MCPH1: variants seen among roughly 807,000 people sequenced by gnomAD.
The protein encoded by MCPH1 is microcephalin 1.
A neutral mutation model predicts 84.5 loss-of-function variants in MCPH1; 104 were observed. The ratio of observed to expected loss-of-function variants is 1.23; its 90% CI spans 1.05 to 1.45. MCPH1 has a LOEUF of 1.45. Among genes scored for constraint, MCPH1 ranks in the 40% most tolerant of loss-of-function variants. The pLI, the probability that MCPH1 is intolerant of heterozygous loss-of-function variation, is 0.00. For missense variants in MCPH1, 1,498 were observed against 1,005.7 expected, an observed-to-expected ratio of 1.49 and a Z score of -6.62; for synonymous variants, 514 against 366.8, an observed-to-expected ratio of 1.40 and a Z score of -4.58.
At chr8:6,574,048 A>T (rs181418368) in intron 12 of MCPH1, among the ~76,000 whole-genome samples, 177 of 152,368 alleles carry the variant, frequency 1.2e-3, no homozygotes, top group African/African-American at 4.2e-3. Flanking sequence ...CACAGACAAA[A>T]ATAAACACAC....
At chr8:6,508,683 T>C in intron 12 of MCPH1, 1 of 601,440 alleles carries the variant, frequency 1.7e-6, no homozygotes, top group African/African-American at 1.9e-5. Flanking sequence ...ATATCCCCTC[T>C]CCTTGCCAGG....
intron 12 of MCPH1, among the ~76,000 whole-genome samples, chr8:6,552,512 AC>A (rs1439036393): frequency 6.6e-6 from 1 of 152,208 alleles, no homozygotes; most frequent in Non-Finnish European, 1.5e-5. Flanking sequence ...AGAACATTTA[AC>A]CCGATTAGGG....
chr8:6,621,883 G>A lies in MCPH1; in HGVS notation c.2452+192G>A, dbSNP rs118056430. ...TTCCCGCTCCTTGCTGTTAGCAGAC[G>A]TACAGTTCACGAGGAAATGGGAACT... On this transcript the variant is annotated intron_variant, in intron 13 of 13. Transcript: ENST00000344683. Among the ~76,000 whole-genome samples the A allele has an allele frequency of 6.6e-5, 10 of 152,240 alleles. No individual in the cohort carries two copies. In the East Asian group the frequency reaches 1.9e-3, roughly 29 times the overall value.
chr8:6,464,946 C>A (rs1302707747), intron 9 of MCPH1, among the ~76,000 whole-genome samples: 2 of 151,846 alleles, frequency 1.3e-5, no homozygotes, highest in Admixed American at 6.6e-5. Flanking sequence ...TTGCAGTGAG[C>A]CAAGATCATG....
At chr8:6,545,875 T>C (rs1018039736) in intron 12 of MCPH1, among the ~76,000 whole-genome samples, 4 of 152,252 alleles carry the variant, frequency 2.6e-5, no homozygotes, top group African/African-American at 9.6e-5. Flanking sequence ...TGCTTTGAGC[T>C]ACTGCAATGC....
chr8:6,596,387 A>C (rs564550467), intron 12 of MCPH1, among the ~76,000 whole-genome samples: 94 of 152,256 alleles, frequency 6.2e-4, no homozygotes, highest in Middle Eastern at 3.4e-3. Context: ...CAGGTTATAC[A>C]CAGTAAAGAG....
At chr8:6,591,066 T>G (rs1179370482) in intron 12 of MCPH1, among the ~76,000 whole-genome samples, 1 of 152,178 alleles carries the variant, frequency 6.6e-6, no homozygotes, top group African/African-American at 2.4e-5. Flanking sequence ...ACCCGGTTAA[T>G]TGTGTATTTT....
Position 6,477,578 on chromosome 8 carries a change from T to C in MCPH1, c.1936-16T>C. On this transcript the variant is annotated splice_polypyrimidine_tract_variant and intron_variant, in intron 9 of 13. Coordinates refer to ENST00000344683, the MANE Select transcript of MCPH1 (RefSeq NM_024596.5). ...TTTTTGACTGTTTTTTGTTCCTTCT[T>C]GTTTGAAATCTCTAGCCAACAAGAA... 1 of 1,611,002 alleles carries C rather than the reference T, an allele frequency of 6.2e-7. No homozygotes were observed. The highest frequency in any genetic ancestry group is 8.5e-7 in the Non-Finnish European group (1 of 1,177,838).
chr8:6,543,125 C>T (rs769854645), intron 12 of MCPH1, among the ~76,000 whole-genome samples: 159 of 152,202 alleles, frequency 1.0e-3, no homozygotes, highest in Admixed American at 1.6e-3. Flanking sequence ...CCAAGACTTT[C>T]TGCTTCTTTA....
chr8:6,502,462 T>C (rs1420104962), intron 12 of MCPH1: 1 of 152,234 alleles, frequency 6.6e-6, no homozygotes, highest in Non-Finnish European at 1.5e-5. Flanking sequence ...ATTTGAGCAT[T>C]AACTTATAAC....
At chr8:6,567,636 G>A (rs1826307241) in intron 12 of MCPH1, among the ~76,000 whole-genome samples, 1 of 152,198 alleles carries the variant, frequency 6.6e-6, no homozygotes, top group African/African-American at 2.4e-5. Context: ...CCACTGACCA[G>A]GAAGCCTCGG....
chr8:6,515,086 C>T (rs948436558), intron 12 of MCPH1, among the ~76,000 whole-genome samples: 3 of 152,074 alleles, frequency 2.0e-5, no homozygotes, highest in African/African-American at 7.2e-5. Context: ...CCAGAGATTG[C>T]TGTTTTTTTA....
At chr8:6,568,427 GCAGCCCCC>G (rs1165650912) in intron 12 of MCPH1, among the ~76,000 whole-genome samples, 1 of 152,198 alleles carries the variant, frequency 6.6e-6, no homozygotes, top group Admixed American at 6.5e-5. Context: ...ACAAAGTGGA[GCAGCCCCC>G]CAGCTATGGG....
At chr8:6,413,848 G>A (rs967877344) in intron 2 of MCPH1, among the ~76,000 whole-genome samples, 1 of 151,136 alleles carries the variant, frequency 6.6e-6, no homozygotes, top group Non-Finnish European at 1.5e-5. Context: ...GCCACCTCCC[G>A]GGTTGAAGTG....
intron 13 of MCPH1, among the ~76,000 whole-genome samples, chr8:6,638,159 C>G (rs1318044975): frequency 6.6e-6 from 1 of 152,182 alleles, no homozygotes; most frequent in East Asian, 1.9e-4. Flanking sequence ...AGAAACGACT[C>G]TAGGAATATT....
chr8:6,524,290 A>G (rs1177309140), intron 12 of MCPH1, among the ~76,000 whole-genome samples: 1 of 152,210 alleles, frequency 6.6e-6, no homozygotes, highest in African/African-American at 2.4e-5. Flanking sequence ...TTTTCTGTCT[A>G]CTAACAAGTT....
chr8:6,559,140 T>C (rs1437315904), intron 12 of MCPH1, among the ~76,000 whole-genome samples: 2 of 152,026 alleles, frequency 1.3e-5, no homozygotes, highest in African/African-American at 4.8e-5. Context: ...TGGGATGGGA[T>C]TTTTTTCTTT....
chr8:6,500,329 C>G (rs1419090252), intron 12 of MCPH1: 1 of 163,358 alleles, frequency 6.1e-6, no homozygotes, highest in Non-Finnish European at 1.3e-5. Flanking sequence ...ATTTTTATGG[C>G]TTTCCTAAAT....
intron 12 of MCPH1, chr8:6,501,355 TAC>T (rs912890766): frequency 6.6e-6 from 1 of 152,186 alleles, no homozygotes; most frequent in Non-Finnish European, 1.5e-5. Context: ...AGATGCTAGT[TAC>T]AGACTGGACT....
Sources: allele counts gnomAD v4.1 joint callset (sites outside exome capture counted in the v4.1 genomes callset), GRCh38; gene constraint gnomAD v4.1.1; transcripts MANE v1.5; gene names NCBI Gene and HGNC (gene_info 2026-07-23, HGNC 2026-07-21).